The following PCED1B variants were observed in gnomAD, a reference collection of about 807,000 sequenced individuals.
PCED1B encodes PC-esterase domain containing 1B.
For missense variants in PCED1B, 573 were observed against 573.9 expected (o/e 1.00, Z 0.02); for synonymous variants, 251 against 246.1 (o/e 1.02, Z -0.19).
chr12:47,119,651 G>T (rs981564790), intron 2 of PCED1B, among the ~76,000 whole-genome samples: 1 of 151,838 alleles, frequency 6.6e-6, no homozygotes. Context: ...AGAGACTTAT[G>T]TCCAGAATAT....
intron 2 of PCED1B, chr12:47,135,637 G>C (rs911056708): frequency 7.9e-6 from 4 of 503,846 alleles, no homozygotes; most frequent in Non-Finnish European, 1.6e-5. Context: ...CCTGTCCATA[G>C]ACTTCCTGTC....
chr12:47,142,080 T>C (rs1940615160), intron 2 of PCED1B, among the ~76,000 whole-genome samples: 1 of 152,216 alleles, frequency 6.6e-6, no homozygotes, highest in South Asian at 2.1e-4. Context: ...GCCTGCCAGC[T>C]GTAGACCAAG....
At chr12:47,087,845 A>G (rs543443216) in intron 1 of PCED1B, among the ~76,000 whole-genome samples, 1 of 152,340 alleles carries the variant, frequency 6.6e-6, no homozygotes, top group Admixed American at 6.5e-5. Context: ...CCTATTGGTC[A>G]TCTTATCTGT....
intron 3 of PCED1B, among the ~76,000 whole-genome samples, chr12:47,232,984 G>A (rs967322736): frequency 1.3e-4 from 19 of 151,456 alleles, no homozygotes; most frequent in African/African-American, 3.6e-4. Context: ...TGGCCCAGGC[G>A]GGAGTGAAGT....
intron 2 of PCED1B, among the ~76,000 whole-genome samples, chr12:47,152,410 T>A (rs1277586293): frequency 6.6e-6 from 1 of 152,070 alleles, no homozygotes; most frequent in Non-Finnish European, 1.5e-5. Context: ...CTCTGTTGAA[T>A]CACGAGAAAA....
chr12:47,232,798 T>C (rs214697), intron 3 of PCED1B, among the ~76,000 whole-genome samples: 62,547 of 152,048 alleles, frequency 0.41, 14,959 homozygotes, highest in South Asian at 0.61. Flanking sequence ...GCATCAGTAC[T>C]TGGGGGCGTA....
At chr12:47,233,000 G>A (rs933709477) in intron 3 of PCED1B, among the ~76,000 whole-genome samples, 1 of 151,880 alleles carries the variant, frequency 6.6e-6, no homozygotes, top group African/African-American at 2.4e-5. Context: ...GAAGTAGCTG[G>A]AACACTGCTT....
At chr12:47,106,084 A>C (rs57007893) in intron 2 of PCED1B, among the ~76,000 whole-genome samples, 7,463 of 152,196 alleles carry the variant, frequency 0.049, 312 homozygotes, top group South Asian at 0.1. Flanking sequence ...CAACTCACCC[A>C]CAGTCACCCA....
At chr12:47,110,202 A>T (rs1227132195) in intron 2 of PCED1B, among the ~76,000 whole-genome samples, 2 of 152,216 alleles carry the variant, frequency 1.3e-5, no homozygotes, top group African/African-American at 4.8e-5. Context: ...AGTGAGGGGT[A>T]AAATGAATGG....
At chr12:47,223,781 A>G (rs941905109) in intron 3 of PCED1B, 2 of 152,170 alleles carry the variant, frequency 1.3e-5, no homozygotes, top group African/African-American at 4.8e-5. Flanking sequence ...CTCTGGAATC[A>G]TTGTGGGAGG....
chr12:47,083,523 A>C (rs1937842171), intron 1 of PCED1B, among the ~76,000 whole-genome samples: 1 of 152,144 alleles, frequency 6.6e-6, no homozygotes. Context: ...ACAACTATGG[A>C]AGTGCACTCA....
intron 2 of PCED1B, among the ~76,000 whole-genome samples, chr12:47,204,889 AT>A (rs1455200798): frequency 6.6e-6 from 1 of 152,150 alleles, no homozygotes; most frequent in East Asian, 1.9e-4. Flanking sequence ...TAATCATTTA[AT>A]TTTCCTTGTA....
At chr12:47,169,854 C>CAA (rs34644611) in intron 2 of PCED1B, among the ~76,000 whole-genome samples, 6,315 of 112,878 alleles carry the variant, frequency 0.056, 177 homozygotes, top group East Asian at 0.13. Context: ...GACCCTGTCT[C>CAA]AAAAAAAAAA....
In PCED1B at chr12:47,236,453, GTTAAC is replaced by G; in HGVS notation, c.*96_*100del. Reference sequence around the variant, plus strand: ...TGCTTGGCCTGAACAGACTGACCTTGTTAACTTAAGCCTGGAGTCCATGCCTCGTC... The same window carrying G: ...TGCTTGGCCTGAACAGACTGACCTTGTTAAGCCTGGAGTCCATGCCTCGTC... On this transcript the variant is annotated 3_prime_UTR_variant, in exon 4 of 4. Transcript: ENST00000546455. 7.7e-7 allele frequency: 1 copy of G among 1,296,978 alleles called. No individual in the cohort carries two copies. Among genetic ancestry groups the G allele is most frequent in the South Asian group, 1.6e-5 (1 of 60,666 alleles). The allele number at this position is 1,296,978 out of a possible 1,614,324, so 80.3% of individuals were successfully genotyped here. A position where few individuals can be genotyped will look rare whatever the true frequency, so the allele number is the denominator to read the frequency against.
intron 2 of PCED1B, among the ~76,000 whole-genome samples, chr12:47,148,411 T>C (rs535255316): frequency 1.4e-4 from 22 of 152,270 alleles, no homozygotes; most frequent in Admixed American, 3.9e-4. Flanking sequence ...AAAGTGTGGA[T>C]ACTAGAAAAA....
chr12:47,221,447 G>A (rs1943475749), intron 3 of PCED1B, among the ~76,000 whole-genome samples: 1 of 150,610 alleles, frequency 6.6e-6, no homozygotes, highest in Non-Finnish European at 1.5e-5. Context: ...CAGAGTGCTG[G>A]GATTACAGGT....
intron 2 of PCED1B, among the ~76,000 whole-genome samples, chr12:47,158,522 T>C (rs1160039310): frequency 6.6e-6 from 1 of 152,178 alleles, no homozygotes; most frequent in Admixed American, 6.5e-5. Flanking sequence ...TTGTTCAGTT[T>C]TATGAGTTCC....
At chr12:47,220,081 A>AG (rs1271614996) in intron 3 of PCED1B, among the ~76,000 whole-genome samples, 9 of 148,338 alleles carry the variant, frequency 6.1e-5, no homozygotes, top group Non-Finnish European at 7.5e-5. Flanking sequence ...AAAAAAAAAA[A>AG]AAAAAAAAAG....
intron 2 of PCED1B, among the ~76,000 whole-genome samples, chr12:47,167,465 G>A (rs375439769): frequency 6.6e-6 from 1 of 152,152 alleles, no homozygotes; most frequent in African/African-American, 2.4e-5. Flanking sequence ...ACCTACCTGT[G>A]ATTGGGCTAA....
Sources: gnomAD v4.1 joint callset for allele counts (sites outside exome capture counted in the v4.1 genomes callset) on GRCh38, gnomAD v4.1.1 for gene constraint, MANE v1.5 for transcripts, NCBI Gene and HGNC (gene_info 2026-07-23, HGNC 2026-07-21) for gene names.